Variants in PRDM1 observed in about 807,000 individuals in gnomAD.
The protein encoded by PRDM1 is PR/SET domain 1, also known as PR domain zinc finger protein 1.
A neutral mutation model predicts 62.8 loss-of-function variants in PRDM1; 13 were observed. The observed-to-expected ratio is 0.21, with a 90% CI of 0.13 to 0.33. The LOEUF (loss-of-function observed/expected upper bound fraction) is 0.33, where lower values mean the gene tolerates loss of function less well. PRDM1 is among the 10% of genes least tolerant of loss of function. The pLI is 1.00. For synonymous variants in PRDM1, 396 were observed against 417.6 expected, an observed-to-expected ratio of 0.95 and a Z score of 0.63; for missense variants, 895 against 1,058.8, an observed-to-expected ratio of 0.85 and a Z score of 2.15.
chr6:106,002,809 C>G (rs1217774665), intron 1 of PRDM1, among the ~76,000 whole-genome samples: 3 of 152,100 alleles, frequency 2.0e-5, no homozygotes, highest in Non-Finnish European at 2.9e-5. Context: ...GTTGCTCGTT[C>G]AAGGTCCTGA....
At chr6:106,048,805 C>T (rs1350472481) in intron 1 of PRDM1, among the ~76,000 whole-genome samples, 2 of 152,112 alleles carry the variant, frequency 1.3e-5, no homozygotes, top group South Asian at 2.1e-4. Flanking sequence ...GCTCTTTTCT[C>T]TAAATGTGAA....
At chr6:106,094,913 AC>A (rs56066145) in intron 2 of PRDM1, among the ~76,000 whole-genome samples, 46,101 of 128,480 alleles carry the variant, frequency 0.36, 7,539 homozygotes, top group Middle Eastern at 0.47. Context: ...TAAAACACAC[AC>A]ACACACACAC....
intron 1 of PRDM1, among the ~76,000 whole-genome samples, chr6:106,017,755 G>A (rs1446846403): frequency 1.3e-5 from 2 of 152,136 alleles, no homozygotes; most frequent in Non-Finnish European, 2.9e-5. Flanking sequence ...TGTTGATTTA[G>A]TGGCATCTCC....
chr6:106,023,176 T>C (rs777784291), intron 1 of PRDM1, among the ~76,000 whole-genome samples: 2 of 152,240 alleles, frequency 1.3e-5, no homozygotes, highest in Non-Finnish European at 2.9e-5. Flanking sequence ...GGAATTGTCA[T>C]GATTTGAGGA....
intron 1 of PRDM1, among the ~76,000 whole-genome samples, chr6:106,054,563 G>A (rs1773234072): frequency 6.6e-6 from 1 of 152,084 alleles, no homozygotes; most frequent in African/African-American, 2.4e-5. Flanking sequence ...TAACTTCCAT[G>A]TGTTTTCTTT....
At chr6:106,067,792 T>A (rs1254070652) in intron 1 of PRDM1, among the ~76,000 whole-genome samples, 1 of 152,128 alleles carries the variant, frequency 6.6e-6, no homozygotes, top group Middle Eastern at 3.2e-3. Flanking sequence ...TTGGGAATAG[T>A]GGTGATGGTT....
intron 1 of PRDM1, among the ~76,000 whole-genome samples, chr6:106,071,503 T>C (rs1167444214): frequency 6.6e-6 from 1 of 152,176 alleles, no homozygotes; most frequent in African/African-American, 2.4e-5. Flanking sequence ...GATTTTCTGG[T>C]ACTGGATATT....
chr6:106,105,226 C>T lies in PRDM1; in HGVS notation c.1066C>T (p.Pro356Ser). The T allele has an allele frequency of 6.2e-7, 1 of 1,613,860 alleles. No individual in the cohort carries two copies. Among genetic ancestry groups the T allele is most frequent in the Non-Finnish European group, 8.5e-7 (1 of 1,180,008 alleles). The part of the protein sequence containing the change: ...SLKSSSPHSS[P>S]GNTVSPVGPG... The stretch of plus-strand genomic sequence containing the variant: ...CAAGAGCTCCAGCCCTCACAGCAGC[C>T]CTGGGAATACGGTGTCCCCTGTGGG... Residue 356 changes from proline to serine, a missense_variant, in exon 5 of 7, where the codon CCT becomes TCT. Physicochemically the swap from Pro to Ser is moderately conservative, Grantham distance 74. Coordinates refer to ENST00000369096, the MANE Select transcript of PRDM1 (RefSeq NM_001198.4).
chr6:106,085,095 T>C (rs1381114691), upstream of PRDM1, among the ~76,000 whole-genome samples: 1 of 152,238 alleles, frequency 6.6e-6, no homozygotes, highest in Non-Finnish European at 1.5e-5. Context: ...GGCTTTTGTT[T>C]TGCTTTGTTT....
chr6:106,001,678 T>G (rs1015889521), intron 1 of PRDM1, among the ~76,000 whole-genome samples: 1 of 152,182 alleles, frequency 6.6e-6, no homozygotes, highest in Non-Finnish European at 1.5e-5. Flanking sequence ...TTTCTTGTCA[T>G]TGGTCTATTT....
intron 1 of PRDM1, among the ~76,000 whole-genome samples, chr6:106,024,646 T>C (rs532157664): frequency 6.6e-6 from 1 of 152,194 alleles, no homozygotes; most frequent in African/African-American, 2.4e-5. Flanking sequence ...AGTGTGGAGC[T>C]TTTTAAATCT....
chr6:106,024,568 A>C (rs1311027791), intron 1 of PRDM1, among the ~76,000 whole-genome samples: 1 of 152,220 alleles, frequency 6.6e-6, no homozygotes, highest in East Asian at 1.9e-4. Context: ...TGGTCATTAT[A>C]CTATAAATTC....
intron 1 of PRDM1, among the ~76,000 whole-genome samples, chr6:106,038,066 G>GA (rs1233283236): frequency 1.9e-5 from 2 of 107,478 alleles, no homozygotes; most frequent in Non-Finnish European, 3.5e-5. Context: ...ACCCAGGCTA[G>GA]AGTGCAGTGA....
intron 1 of PRDM1, among the ~76,000 whole-genome samples, chr6:106,007,041 A>C (rs868038890): frequency 6.6e-6 from 1 of 151,664 alleles, no homozygotes; most frequent in Non-Finnish European, 1.5e-5. Flanking sequence ...ATCACATCTG[A>C]CTTGATTTCT....
At chr6:106,078,043 C>T (rs12199405) in intron 1 of PRDM1, among the ~76,000 whole-genome samples, 7,523 of 152,278 alleles carry the variant, frequency 0.049, 243 homozygotes, top group Non-Finnish European at 0.078. Flanking sequence ...CTACTTCCTG[C>T]GTCCATCTTT....
At chr6:106,072,828 G>A (rs1411215592) in intron 1 of PRDM1, among the ~76,000 whole-genome samples, 1 of 152,204 alleles carries the variant, frequency 6.6e-6, no homozygotes, top group Non-Finnish European at 1.5e-5. Flanking sequence ...AGCTTCCAGG[G>A]GTGCTTTGAA....
chr6:106,098,766 T>A, intron 3 of PRDM1: 1 of 1,469,040 alleles, frequency 6.8e-7, no homozygotes, highest in Non-Finnish European at 9.1e-7. Flanking sequence ...CTTTAGGACT[T>A]GGAGGGTTGG....
At chr6:106,058,770 A>T (rs551744584) in intron 1 of PRDM1, among the ~76,000 whole-genome samples, 1 of 152,146 alleles carries the variant, frequency 6.6e-6, no homozygotes, top group African/African-American at 2.4e-5. Context: ...CGGTTTCTCC[A>T]TGTTGGTCAG....
intron 4 of PRDM1, among the ~76,000 whole-genome samples, chr6:106,101,380 T>A (rs1774267155): frequency 6.6e-6 from 1 of 152,206 alleles, no homozygotes; most frequent in African/African-American, 2.4e-5. Flanking sequence ...AAGAAAGGTT[T>A]TGCACAGTAT....
Sources: gnomAD v4.1 joint callset for allele counts (sites outside exome capture counted in the v4.1 genomes callset) on GRCh38, gnomAD v4.1.1 for gene constraint, MANE v1.5 for transcripts, NCBI Gene and HGNC (gene_info 2026-07-23, HGNC 2026-07-21) for gene names.